The following AGPS variants were observed in gnomAD, a reference collection of about 807,000 sequenced individuals.
AGPS encodes the protein alkylglycerone phosphate synthase, also known as alkyldihydroxyacetonephosphate synthase, peroxisomal.
Under a neutral mutation model 90.7 loss-of-function variants are expected in AGPS, and 26 were observed. That is an observed-to-expected ratio of 0.29 (90% CI 0.21 to 0.40). The LOEUF is 0.40. Ranked by LOEUF, AGPS falls within the 10% of genes least tolerant of loss-of-function variation. AGPS has a pLI of 1.00. For synonymous variants in AGPS, 294 were observed against 285.3 expected, an observed-to-expected ratio of 1.03 and a Z score of -0.31; for missense variants, 540 against 816.1, an observed-to-expected ratio of 0.66 and a Z score of 4.12.
intron 17 of AGPS, among the ~76,000 whole-genome samples, chr2:177,519,009 T>C (rs1013719620): frequency 1.3e-5 from 2 of 152,176 alleles, no homozygotes; most frequent in East Asian, 3.9e-4. Context: ...GTCTGTGTTC[T>C]GTAGAGTTGG....
At chr2:177,537,336 A>G (rs572797122) in intron 19 of AGPS, among the ~76,000 whole-genome samples, 121 of 151,522 alleles carry the variant, frequency 8.0e-4, no homozygotes, top group African/African-American at 2.7e-3. Context: ...CTATTCTCAG[A>G]ACAAATTAGC....
At chr2:177,398,211 T>G (rs1380109714) in intron 1 of AGPS, among the ~76,000 whole-genome samples, 1 of 152,222 alleles carries the variant, frequency 6.6e-6, no homozygotes, top group African/African-American at 2.4e-5. Flanking sequence ...GGCTTAAAAC[T>G]TAACATCGTT....
At chr2:177,446,631 C>T (rs1410590408) in intron 8 of AGPS, among the ~76,000 whole-genome samples, 1 of 152,046 alleles carries the variant, frequency 6.6e-6, no homozygotes, top group Non-Finnish European at 1.5e-5. Context: ...GAAGTTTGAA[C>T]TTTACTTTTT....
chr2:177,436,726 T>G (rs1302020040), intron 3 of AGPS, 38 bp from the exon 4 acceptor site: 1 of 1,601,812 alleles, frequency 6.2e-7, no homozygotes. Flanking sequence ...AAATTCGTTG[T>G]CTAAAAATAA....
intron 10 of AGPS, among the ~76,000 whole-genome samples, chr2:177,472,339 C>T (rs1343226488): frequency 6.6e-6 from 1 of 151,450 alleles, no homozygotes; most frequent in African/African-American, 2.4e-5. Context: ...TAGTTTATAA[C>T]ATAGCCTTTA....
chr2:177,514,496 TC>T (rs1405723675), intron 17 of AGPS, among the ~76,000 whole-genome samples: 2 of 151,942 alleles, frequency 1.3e-5, no homozygotes, highest in Admixed American at 1.3e-4. Flanking sequence ...TTTGTATATT[TC>T]CCTTTCCTTT....
At chr2:177,534,835 ATGATCTTCC>A (rs11276227) in intron 19 of AGPS, among the ~76,000 whole-genome samples, 127,646 of 151,798 alleles carry the variant, frequency 0.84, 53,868 homozygotes, top group East Asian at 0.95. Context: ...CTGGGCTTAA[ATGATCTTCC>A]CACCTCAGCC....
At chr2:177,485,596 A>G (rs1281587200) in intron 11 of AGPS, among the ~76,000 whole-genome samples, 1 of 152,160 alleles carries the variant, frequency 6.6e-6, no homozygotes, top group Non-Finnish European at 1.5e-5. Flanking sequence ...ATGTTCACCC[A>G]ATGACTATAA....
chr2:177,402,028 G>C (rs977113169), intron 1 of AGPS, among the ~76,000 whole-genome samples: 1 of 152,192 alleles, frequency 6.6e-6, no homozygotes, highest in African/African-American at 2.4e-5. Flanking sequence ...AATGGAGAAA[G>C]ATTTTTATTT....
chr2:177,415,320 T>C (rs1317433232), intron 1 of AGPS, among the ~76,000 whole-genome samples: 1 of 152,228 alleles, frequency 6.6e-6, no homozygotes, highest in Non-Finnish European at 1.5e-5. Flanking sequence ...AGGAGTTGTA[T>C]AGTTGGGTCA....
At chr2:177,471,841 CT>C (rs1399778060) in intron 10 of AGPS, among the ~76,000 whole-genome samples, 1 of 152,102 alleles carries the variant, frequency 6.6e-6, no homozygotes, top group African/African-American at 2.4e-5. Context: ...CTTTAAGTTT[CT>C]TTAAAATGCT....
chr2:177,404,502 T>C (rs1685412990), intron 1 of AGPS, among the ~76,000 whole-genome samples: 1 of 152,174 alleles, frequency 6.6e-6, no homozygotes, highest in Non-Finnish European at 1.5e-5. Context: ...TATTTAAACA[T>C]GTTGCAGAAT....
chr2:177,522,746 A>G (rs887211467), intron 18 of AGPS, among the ~76,000 whole-genome samples: 2 of 152,120 alleles, frequency 1.3e-5, no homozygotes, highest in African/African-American at 4.8e-5. Flanking sequence ...GAGCTACCGC[A>G]CACAGCCGAG....
intron 8 of AGPS, among the ~76,000 whole-genome samples, chr2:177,453,190 C>T (rs1453369): frequency 0.87 from 132,816 of 152,026 alleles, 58,148 homozygotes; most frequent in East Asian, 0.98. Flanking sequence ...TTACCTACTT[C>T]ATTGCTTTTC....
intron 19 of AGPS, among the ~76,000 whole-genome samples, chr2:177,535,552 A>G (rs2079175858): frequency 6.6e-6 from 1 of 152,138 alleles, no homozygotes; most frequent in Non-Finnish European, 1.5e-5. Context: ...TTCTTCTCCA[A>G]GATTAAGGCC....
Position 177,521,404 on chromosome 2 carries a change from G to A in AGPS, c.1797+36G>A, listed in dbSNP as rs749777636. 2.4e-5 allele frequency: 36 copies of A among 1,477,420 alleles called. No homozygotes were observed. The East Asian group carries it at 7.7e-4, about 32-fold the overall frequency. 91.5% of individuals were successfully genotyped at this position (1,477,420 alleles called of 1,614,324 possible). A position where few individuals can be genotyped will look rare whatever the true frequency, so the allele number is the denominator to read the frequency against. On this transcript the variant is annotated intron_variant, in intron 18 of 19. Transcript: ENST00000264167. Reference sequence around the variant, plus strand: ...ATACCTGCATATAGCTTTTACAGCTGTTGATTAATTTCAATAAATTTTACT... The same window carrying A: ...ATACCTGCATATAGCTTTTACAGCTATTGATTAATTTCAATAAATTTTACT...
chr2:177,438,791 T>G (rs1686500285), intron 5 of AGPS, among the ~76,000 whole-genome samples: 1 of 152,236 alleles, frequency 6.6e-6, no homozygotes, highest in African/African-American at 2.4e-5. Context: ...TATCCTAGTA[T>G]AATGACTTCT....
At chr2:177,527,540 A>G (rs188344382) in intron 19 of AGPS, among the ~76,000 whole-genome samples, 234 of 152,094 alleles carry the variant, frequency 1.5e-3, no homozygotes, top group Non-Finnish European at 2.6e-3. Context: ...AGATATTTTT[A>G]TTGTTTTCTC....
intron 2 of AGPS, among the ~76,000 whole-genome samples, chr2:177,427,349 C>G (rs1290744720): frequency 6.6e-6 from 1 of 152,074 alleles, no homozygotes; most frequent in Non-Finnish European, 1.5e-5. Flanking sequence ...TCTCTATCTT[C>G]TTTAGTTCTG....
Sources: gnomAD v4.1 joint callset for allele counts (sites outside exome capture counted in the v4.1 genomes callset) on GRCh38, gnomAD v4.1.1 for gene constraint, MANE v1.5 for transcripts, NCBI Gene and HGNC (gene_info 2026-07-23, HGNC 2026-07-21) for gene names.